Variants in JPH2 observed in about 807,000 individuals in gnomAD.
JPH2 encodes the protein junctophilin-2.
In JPH2, 38 loss-of-function variants were observed where a neutral mutation model predicts 55.9. The observed-to-expected ratio is 0.68, with a 90% CI of 0.52 to 0.89. The LOEUF (loss-of-function observed/expected upper bound fraction) is 0.89. Among genes scored for constraint, JPH2 ranks in the 40% least tolerant of loss-of-function variants. The probability of loss-of-function intolerance (pLI) is 0.00; values close to 1 mark genes in which losing one functional copy is unlikely to be tolerated. For synonymous variants in JPH2, 480 were observed against 472.4 expected, an observed-to-expected ratio of 1.02 and a Z score of -0.21; for missense variants, 964 against 1,037.6, an observed-to-expected ratio of 0.93 and a Z score of 0.97.
intron 2 of JPH2, among the ~76,000 whole-genome samples, chr20:44,132,399 C>CAG (rs574065179): frequency 0.079 from 10,262 of 130,202 alleles, 689 homozygotes; most frequent in African/African-American, 0.12. Context: ...CACACACACA[C>CAG]ACATTTGGGC....
Position 44,115,818 on chromosome 20 carries a change from G to A in JPH2, c.1857C>T (p.Pro619=). 10 of 1,603,216 alleles carry A rather than the reference G, an allele frequency of 6.2e-6. No homozygotes were observed. Among genetic ancestry groups the A allele is most frequent in the Non-Finnish European group, 8.5e-6 (10 of 1,178,530 alleles). The part of the protein sequence containing the change: ...LRGPEPARET[P]AKLEPKPIIP... ...TGATGGGCTTGGGCTCCAGCTTGGC[G>A]GGGGTCTCGCGTGCAGGCTCGGGGC... The change falls in exon 4 of 6, where the codon CCC becomes CCT. Residue 619 remains proline (P), a synonymous_variant. Coordinates refer to ENST00000372980, the MANE Select transcript of JPH2 (RefSeq NM_020433.5).
intron 2 of JPH2, among the ~76,000 whole-genome samples, chr20:44,139,769 AAAC>A: frequency 6.6e-6 from 1 of 152,322 alleles, no homozygotes; most frequent in Middle Eastern, 3.4e-3. Flanking sequence ...AAGAAACTAC[AAAC>A]AAGAGTTGCC....
intron 2 of JPH2, among the ~76,000 whole-genome samples, chr20:44,124,823 T>C (rs1455472019): frequency 2.0e-5 from 3 of 147,876 alleles, no homozygotes; most frequent in Non-Finnish European, 4.5e-5. Context: ...AAAAAAAAAG[T>C]AAGGCCAGGC....
chr20:44,117,286 C>CA (rs938156262), intron 3 of JPH2, among the ~76,000 whole-genome samples: 8 of 151,222 alleles, frequency 5.3e-5, no homozygotes, highest in African/African-American at 1.7e-4. Flanking sequence ...TCAAAAAAAA[C>CA]AAAAAAACAA....
rs1167675574 is a variant in JPH2, at chr20:44,160,364, G to A, written c.423C>T (p.Tyr141=). The A allele has an allele frequency of 3.1e-6, 5 of 1,604,684 alleles. No individual in the cohort carries two copies. The highest frequency in any genetic ancestry group is 2.2e-5 in the East Asian group (1 of 44,540). The part of the protein sequence containing the change: ...GQFTNGMRHG[Y]GVRQSVPYGM... ...CGTAGGGCACGCTCTGGCGTACTCC[G>A]TAGCCATGGCGCATGCCGTTGGTGA... The change falls in exon 2 of 6, where the codon TAC becomes TAT. Residue 141 remains tyrosine, a synonymous_variant. Coordinates refer to ENST00000372980, the MANE Select transcript of JPH2 (RefSeq NM_020433.5). This position sits in a 1 kb window ranked among gnomAD's most constrained non-coding sequence, Gnocchi z 4.9.
At chr20:44,121,496 C>G (rs1184888997) in intron 2 of JPH2, among the ~76,000 whole-genome samples, 2 of 152,156 alleles carry the variant, frequency 1.3e-5, no homozygotes, top group Non-Finnish European at 2.9e-5. Context: ...TTACCGGTCC[C>G]TACTTCACAG....
chr20:44,182,104 T>C (rs557390194), intron 1 of JPH2, among the ~76,000 whole-genome samples: 7 of 152,220 alleles, frequency 4.6e-5, no homozygotes, highest in Middle Eastern at 3.4e-3. Flanking sequence ...ACAAGGAAAT[T>C]AAGGTTTGGT....
chr20:44,142,208 A>G (rs1436358162), intron 2 of JPH2, among the ~76,000 whole-genome samples: 2 of 152,346 alleles, frequency 1.3e-5, no homozygotes, highest in East Asian at 1.9e-4. Flanking sequence ...ACCACCCAAT[A>G]GAACTTTCAG....
chr20:44,128,975 T>A (rs1247489824), intron 2 of JPH2, among the ~76,000 whole-genome samples: 1 of 152,194 alleles, frequency 6.6e-6, no homozygotes, highest in Non-Finnish European at 1.5e-5. Flanking sequence ...CCCTATCTCA[T>A]AAGCTTGTGG....
chr20:44,117,813 G>A (rs1459302551), intron 3 of JPH2, among the ~76,000 whole-genome samples: 4 of 152,210 alleles, frequency 2.6e-5, no homozygotes, highest in Admixed American at 1.3e-4. Context: ...TCATCCTGCT[G>A]TGTGAAATGG....
At chr20:44,185,630 G>C (rs1196990214) in intron 1 of JPH2, among the ~76,000 whole-genome samples, 1 of 130,990 alleles carries the variant, frequency 7.6e-6, no homozygotes, top group East Asian at 2.4e-4. Flanking sequence ...ACGAGAACTT[G>C]TCTTGGAAAA....
chr20:44,120,635 T>A (rs1378488895), intron 2 of JPH2, among the ~76,000 whole-genome samples: 1 of 152,166 alleles, frequency 6.6e-6, no homozygotes, highest in African/African-American at 2.4e-5. Context: ...AACGTAACTC[T>A]AGGGCAGTGG....
At chr20:44,171,017 C>G (rs1360309858) in intron 1 of JPH2, among the ~76,000 whole-genome samples, 1 of 152,154 alleles carries the variant, frequency 6.6e-6, no homozygotes, top group Non-Finnish European at 1.5e-5. Context: ...TTCAGTTGAC[C>G]CTTTGCTGCT....
At position 44,110,955 on chromosome 20, in the gene JPH2, G is replaced by A. The variant is rs1183499294; in HGVS notation, c.*2563C>T. Among the ~76,000 whole-genome samples the A allele has an allele frequency of 6.6e-6, 1 of 152,166 alleles. No homozygotes were observed. The highest frequency in any genetic ancestry group is 2.4e-5 in the African/African-American group (1 of 41,432). On this transcript the variant is annotated 3_prime_UTR_variant, in exon 6 of 6. Transcript: ENST00000372980. The stretch of plus-strand genomic sequence containing the variant: ...TGTGCCTGAACTCGAGCCTACTGTT[G>A]GTTGAGGGACCTTCTTCTCCAACCC...
Position 44,115,744 on chromosome 20 carries a change from C to G in JPH2, c.1931G>C (p.Gly644Ala). 1 of 1,613,404 alleles carries G rather than the reference C, an allele frequency of 6.2e-7. No individual in the cohort carries two copies. Among genetic ancestry groups the G allele is most frequent in the Non-Finnish European group, 8.5e-7 (1 of 1,179,990 alleles). The stretch of plus-strand genomic sequence containing the variant: ...CTTCTTGGCCCCCGCCTTGGTCAGC[C>G]CTCGAGCCTCAGTCTTGCGGGCCTT... The part of the protein sequence containing the change: ...RAKARKTEAR[G>A]LTKAGAKKKA... Residue 644 changes from glycine to alanine, a missense_variant, in exon 4 of 6, where the codon GGG (glycine) becomes GCG (alanine). Gly to Ala is a moderately conservative substitution (Grantham distance 60). Coordinates refer to ENST00000372980, the MANE Select transcript of JPH2 (RefSeq NM_020433.5).
In JPH2 at chr20:44,160,227, C is replaced by T. The variant is rs1369776361; in HGVS notation, c.560G>A (p.Gly187Asp). 1 of 1,485,460 alleles carries T rather than the reference C, an allele frequency of 6.7e-7. No homozygotes were observed. The highest frequency in any genetic ancestry group is 2.2e-5 in the Admixed American group (1 of 45,434). 92.0% of individuals were successfully genotyped at this position (1,485,460 alleles called of 1,614,324 possible). A position where few individuals can be genotyped will look rare whatever the true frequency, so the allele number is the denominator to read the frequency against. The change falls in exon 2 of 6, where the codon GGC (glycine) becomes GAC (aspartate). Residue 187 changes from glycine to aspartate, a missense_variant. Gly to Asp is a moderately conservative substitution (Grantham distance 94). Transcript: ENST00000372980. This position sits in a 1 kb window ranked among gnomAD's most constrained non-coding sequence, Gnocchi z 4.9. ...GATGGCGGGCGAGGGCAGCGCGGGG[C>T]CGTCGGAGGCCGGCGAGGCGGGAGA... ...PDSPASPASD[G>D]PALPSPAIPR...
chr20:44,135,997 C>A (rs1159811050), intron 2 of JPH2, among the ~76,000 whole-genome samples: 1 of 152,208 alleles, frequency 6.6e-6, no homozygotes, highest in Non-Finnish European at 1.5e-5. Flanking sequence ...GAAATACTAT[C>A]ATTATCACCC....
chr20:44,115,437 G>A (rs903502572), intron 4 of JPH2, among the ~76,000 whole-genome samples: 1 of 152,192 alleles, frequency 6.6e-6, no homozygotes, highest in African/African-American at 2.4e-5. Context: ...GATACCAGGT[G>A]CAAAGGTAGG....
At chr20:44,139,593 C>T (rs2072441126) in intron 2 of JPH2, among the ~76,000 whole-genome samples, 1 of 152,166 alleles carries the variant, frequency 6.6e-6, no homozygotes, top group Non-Finnish European at 1.5e-5. Context: ...GTATATGCTA[C>T]AGTATAATAT....
Sources: allele counts gnomAD v4.1 joint callset (sites outside exome capture counted in the v4.1 genomes callset), GRCh38; gene constraint gnomAD v4.1.1; non-coding constraint Gnocchi (gnomAD v3.1); transcripts MANE v1.5; gene names NCBI Gene and HGNC (gene_info 2026-07-23, HGNC 2026-07-21).